Variants in PCNX2 observed in about 807,000 individuals in gnomAD.
The protein encoded by PCNX2 is pecanex 2.
In PCNX2, 168 loss-of-function variants were observed where a neutral mutation model predicts 223.8. The ratio of observed to expected loss-of-function variants is 0.75; its 90% CI spans 0.66 to 0.85. The LOEUF (loss-of-function observed/expected upper bound fraction) is 0.85. PCNX2 is among the 40% of genes least tolerant of loss of function. The pLI is 0.00. For missense variants in PCNX2, 2,507 were observed against 2,675.5 expected, an observed-to-expected ratio of 0.94 and a Z score of 1.39; for synonymous variants, 1,006 against 1,052.6, an observed-to-expected ratio of 0.96 and a Z score of 0.86.
At chr1:233,137,392 C>T (rs1419657193) in intron 20 of PCNX2, among the ~76,000 whole-genome samples, 1 of 152,210 alleles carries the variant, frequency 6.6e-6, no homozygotes, top group South Asian at 2.1e-4. Flanking sequence ...AGGCTCCAGC[C>T]ACTGGATGCA....
chr1:233,119,265 T>C (rs1027690265), intron 21 of PCNX2, among the ~76,000 whole-genome samples: 1 of 150,806 alleles, frequency 6.6e-6, no homozygotes, highest in Non-Finnish European at 1.5e-5. Flanking sequence ...GTATAAAACT[T>C]TTAGGAAAAA....
At chr1:233,065,559 G>A (rs1672566212) in intron 23 of PCNX2, 1 of 151,926 alleles carries the variant, frequency 6.6e-6, no homozygotes. Context: ...CCTTCTGAAA[G>A]GTAAAAGGAA....
At chr1:233,091,077 G>A (rs1000447777) in intron 22 of PCNX2, among the ~76,000 whole-genome samples, 2 of 152,130 alleles carry the variant, frequency 1.3e-5, no homozygotes, top group African/African-American at 4.8e-5. Context: ...GCCTGTGGTT[G>A]GAAGCACAAG....
intron 28 of PCNX2, among the ~76,000 whole-genome samples, chr1:233,011,932 C>T (rs991644584): frequency 1.4e-4 from 22 of 152,140 alleles, no homozygotes; most frequent in African/African-American, 5.3e-4. Flanking sequence ...ATTGTGGGAC[C>T]CCTCATGTAG....
At chr1:233,240,261 C>T (rs1278116792) in intron 8 of PCNX2, among the ~76,000 whole-genome samples, 2 of 152,186 alleles carry the variant, frequency 1.3e-5, no homozygotes, top group African/African-American at 2.4e-5. Flanking sequence ...TGGACAGGAG[C>T]GCAATCTTTG....
At chr1:232,997,054 G>A (rs185669371) in intron 32 of PCNX2, among the ~76,000 whole-genome samples, 15 of 152,300 alleles carry the variant, frequency 9.8e-5, no homozygotes, top group Admixed American at 9.2e-4. Flanking sequence ...AGCCTCAAAG[G>A]CTGGTCACAG....
chr1:233,193,913 G>A (rs1680564949), intron 15 of PCNX2, among the ~76,000 whole-genome samples: 1 of 152,118 alleles, frequency 6.6e-6, no homozygotes, highest in African/African-American at 2.4e-5. Flanking sequence ...TACAAATGAT[G>A]TGGGGCAATA....
At chr1:233,007,097 G>A (rs891203154) in intron 28 of PCNX2, among the ~76,000 whole-genome samples, 1 of 151,784 alleles carries the variant, frequency 6.6e-6, no homozygotes, top group African/African-American at 2.4e-5. Flanking sequence ...ATGTACAGTC[G>A]CACATGCCTG....
intron 8 of PCNX2, among the ~76,000 whole-genome samples, chr1:233,246,002 T>C (rs2102978765): frequency 6.6e-6 from 1 of 152,334 alleles, no homozygotes; most frequent in East Asian, 1.9e-4. Flanking sequence ...TATGCATTTC[T>C]AGCTCCCTGT....
At chr1:233,114,621 A>C (rs1044867563) in intron 21 of PCNX2, among the ~76,000 whole-genome samples, 4 of 152,202 alleles carry the variant, frequency 2.6e-5, no homozygotes, top group African/African-American at 9.7e-5. Context: ...AAGCTGGATA[A>C]ACAGAAAACT....
chr1:233,020,496 T>C (rs1670841090), intron 26 of PCNX2, among the ~76,000 whole-genome samples: 1 of 152,238 alleles, frequency 6.6e-6, no homozygotes, highest in Non-Finnish European at 1.5e-5. Flanking sequence ...ATTCACAATA[T>C]CTGGCTCCTC....
intron 21 of PCNX2, among the ~76,000 whole-genome samples, chr1:233,128,640 T>C (rs1676242689): frequency 6.6e-6 from 1 of 152,200 alleles, no homozygotes; most frequent in African/African-American, 2.4e-5. Flanking sequence ...CGGCCAACTA[T>C]GGTTTTTAAG....
rs1195986919 is a variant in PCNX2, at chr1:233,177,868, T to C, written c.3207A>G (p.Lys1069=). ...ACTCTGCCAGATTTTGATGTAAAAATTTAGGAAACAGCCTGCATTGGATGA... is the reference window on the plus strand; with the variant it reads ...ACTCTGCCAGATTTTGATGTAAAAACTTAGGAAACAGCCTGCATTGGATGA... The part of the protein sequence containing the change: ...MSFIQCRLFP[K]FLHQNLAESA... Residue 1069 remains lysine, a synonymous_variant, in exon 17 of 34, where the codon AAA becomes AAG. Transcript: ENST00000258229. The C allele has an allele frequency of 6.2e-7, 1 of 1,613,806 alleles. No homozygotes were observed. Among genetic ancestry groups the C allele is most frequent in the Admixed American group, 1.7e-5 (1 of 60,012 alleles).
chr1:233,000,524 A>G lies in PCNX2; in HGVS notation c.5109T>C (p.Thr1703=), dbSNP rs747914290. The G allele has an allele frequency of 6.3e-7, 1 of 1,594,890 alleles. No homozygotes were observed. Among genetic ancestry groups the G allele is most frequent in the South Asian group, 1.1e-5 (1 of 89,468 alleles). Residue 1703 remains threonine, a synonymous_variant, in exon 30 of 34, where the codon ACT becomes ACC. Coordinates refer to ENST00000258229, the MANE Select transcript of PCNX2 (RefSeq NM_014801.4). The surrounding 1 kb of genome is among the most constrained non-coding windows in gnomAD (Gnocchi z 4.6). ...CTGGGTCTTCATACTCGTCAGGGCA[A>G]GTGAACTGGTCCTGGTGGGAAGAAG... ...MSLKLHQDQF[T]CPDEYEDPAV...
chr1:233,012,708 C>G (rs911951881), intron 28 of PCNX2, among the ~76,000 whole-genome samples: 3 of 152,100 alleles, frequency 2.0e-5, no homozygotes, highest in African/African-American at 7.2e-5. Flanking sequence ...GCAGACCAAA[C>G]AAGAAACGCC....
At chr1:233,267,300 G>T (rs142170353) in intron 1 of PCNX2, among the ~76,000 whole-genome samples, 2 of 152,000 alleles carry the variant, frequency 1.3e-5, no homozygotes, top group African/African-American at 4.8e-5. Context: ...TAGCCTGGGC[G>T]ACAAGAGCGA....
chr1:233,167,691 A>C, intron 17 of PCNX2: 2 of 951,180 alleles, frequency 2.1e-6, no homozygotes, highest in Non-Finnish European at 1.3e-6. Context: ...AAATATACAC[A>C]ATAAAATCTC....
rs1028030606 is a variant in PCNX2 at position 233,044,217 on chromosome 1, C to T, written c.4351+10051G>A. On this transcript the variant is annotated intron_variant, in intron 25 of 33. Coordinates refer to ENST00000258229, the MANE Select transcript of PCNX2 (RefSeq NM_014801.4). ...TGCATAAATGTCTTCTTTTGAGAAGCGTCTGTTCATGTCCTTCGCCCACTT... is the reference window on the plus strand; with the variant it reads ...TGCATAAATGTCTTCTTTTGAGAAGTGTCTGTTCATGTCCTTCGCCCACTT... Among the ~76,000 whole-genome samples, 10 of 152,024 alleles carry T rather than the reference C, an allele frequency of 6.6e-5. No homozygotes were observed. The East Asian group carries it at 7.7e-4, about 12-fold the overall frequency.
chr1:233,099,501 G>A (rs771605532), intron 21 of PCNX2, among the ~76,000 whole-genome samples: 1 of 152,160 alleles, frequency 6.6e-6, no homozygotes, highest in African/African-American at 2.4e-5. Context: ...CAAAACGGCC[G>A]ACTGCTGGCT....
Sources: gnomAD v4.1 joint callset for allele counts (sites outside exome capture counted in the v4.1 genomes callset) on GRCh38, gnomAD v4.1.1 for gene constraint, Gnocchi (gnomAD v3.1) non-coding constraint, MANE v1.5 for transcripts, NCBI Gene and HGNC (gene_info 2026-07-23, HGNC 2026-07-21) for gene names.